DNAH17: variants seen among roughly 807,000 people sequenced by gnomAD.
DNAH17 encodes the protein dynein axonemal heavy chain 17.
Under a neutral mutation model 485.6 loss-of-function variants are expected in DNAH17, and 376 were observed. The observed-to-expected ratio is 0.77, with a 90% CI of 0.71 to 0.84. The LOEUF is 0.84. Ranked by LOEUF, DNAH17 falls within the 40% of genes least tolerant of loss-of-function variation. The pLI is 0.00. For missense variants in DNAH17, 6,370 were observed against 5,839.3 expected (o/e 1.09, Z -2.96); for synonymous variants, 3,031 against 2,405.9 (o/e 1.26, Z -7.60).
intron 15 of DNAH17, 70 bp downstream of exon 15, chr17:78,552,627 T>C (rs2143572923): frequency 8.9e-7 from 1 of 1,124,806 alleles, no homozygotes; most frequent in East Asian, 2.4e-5. Flanking sequence ...CTAGTGGTGT[T>C]TGAGGACAGA....
At position 78,492,616 on chromosome 17, in the gene DNAH17, G is replaced by A. The variant is rs375474947; in HGVS notation, c.6541+17C>T. 5.6e-5 allele frequency: 91 copies of A among 1,612,902 alleles called. No individual in the cohort carries two copies. The highest frequency in any genetic ancestry group is 6.7e-5 in the Non-Finnish European group (79 of 1,179,336). ...CAGGAGTGCCCCTGCAGCCTGTCCC[G>A]GGACCACCCTCGTTACCATCTTTCC... is the stretch of plus-strand genomic sequence containing the variant. On this transcript the variant is annotated intron_variant, in intron 42 of 80. Transcript: ENST00000389840.
intron 27 of DNAH17, among the ~76,000 whole-genome samples, chr17:78,510,144 T>C (rs566748151): frequency 2.0e-5 from 3 of 152,336 alleles, no homozygotes; most frequent in African/African-American, 7.2e-5. Context: ...ATCGTGCCAC[T>C]GCACTCCAGC....
At chr17:78,438,433 GGA>G (rs1313460535) in intron 73 of DNAH17, among the ~76,000 whole-genome samples, 11 of 84,754 alleles carry the variant, frequency 1.3e-4, no homozygotes, top group Non-Finnish European at 1.9e-4. Context: ...AGAAGGAGGA[GGA>G]GGAGGAGGAG....
chr17:78,439,244 A>ACACCACGT, intron 72 of DNAH17, 27 bp from the exon 73 acceptor site: 2 of 1,592,070 alleles, frequency 1.3e-6, no homozygotes, highest in East Asian at 4.5e-5. Context: ...CAGGAAAAAA[A>ACACCACGT]CACCACGTAA....
intron 11 of DNAH17, among the ~76,000 whole-genome samples, chr17:78,564,296 C>G (rs75060011): frequency 0.033 from 5,041 of 152,232 alleles, 301 homozygotes; most frequent in African/African-American, 0.11. Context: ...GCAGGTGGCA[C>G]AATCTCCATG....
chr17:78,437,813 T>G lies in DNAH17; in HGVS notation c.11861A>C (p.Tyr3954Ser). The G allele has an allele frequency of 6.2e-7, 1 of 1,612,416 alleles. No individual in the cohort carries two copies. Among genetic ancestry groups the G allele is most frequent in the Non-Finnish European group, 8.5e-7 (1 of 1,179,688 alleles). ...LGTLDKKLEH[Y>S]STGSHEDYRV... is the part of the protein sequence containing the mutation. Reference sequence around the variant, plus strand: ...GTAGTCCTCATGGCTGCCCGTGCTGTAGTGCTCCAGCTTCTTGTCCAGTGT... The same window carrying G: ...GTAGTCCTCATGGCTGCCCGTGCTGGAGTGCTCCAGCTTCTTGTCCAGTGT... Residue 3954 changes from tyrosine (Y) to serine (S), a missense_variant, in exon 74 of 81, where the codon TAC (tyrosine) becomes TCC (serine). Coordinates refer to ENST00000389840, the MANE Select transcript of DNAH17 (RefSeq NM_173628.4).
intron 56 of DNAH17, among the ~76,000 whole-genome samples, chr17:78,465,505 CA>C (rs2088385477): frequency 4.7e-5 from 1 of 21,076 alleles, no homozygotes; most frequent in Non-Finnish European, 2.5e-4. Flanking sequence ...TCCCGGCCGC[CA>C]TCACATCTAG....
chr17:78,482,745 C>G (rs568537874), intron 48 of DNAH17, among the ~76,000 whole-genome samples: 3 of 152,158 alleles, frequency 2.0e-5, no homozygotes, highest in Non-Finnish European at 4.4e-5. Flanking sequence ...ATCCACTAAA[C>G]AGTCCATCCT....
intron 50 of DNAH17, 54 bp downstream of exon 50, chr17:78,479,431 C>A (rs1490571959): frequency 6.5e-7 from 1 of 1,539,470 alleles, no homozygotes. Context: ...AACCATCAGC[C>A]CACAGAGCCA....
rs676696 is a variant in DNAH17, at chr17:78,450,607, A to G, written c.10899+75T>C. On this transcript the variant is annotated intron_variant, in intron 67 of 80. Transcript: ENST00000389840. ...AGCTGCTTTTCTCCTTTCTCATGGT[A>G]GGGAGGCGCCGATCGCCCGTGGCCC... 0.9 allele frequency: 1,375,920 copies of G among 1,529,358 alleles called. 619,412 individuals carry two copies. Among genetic ancestry groups the G allele is most frequent in the East Asian group, 0.96 (39,952 of 41,758 alleles). The allele number at this position is 1,529,358 out of a possible 1,614,324, so 94.7% of individuals were successfully genotyped here.
At chr17:78,476,540 G>A (rs747208701) in intron 52 of DNAH17, 32 bp downstream of exon 52, 19 of 1,589,942 alleles carry the variant, frequency 1.2e-5, no homozygotes, top group Middle Eastern at 1.7e-4. Context: ...GCCATTCTGG[G>A]CTCGGCAGAG....
intron 65 of DNAH17, among the ~76,000 whole-genome samples, 157 bp from the exon 66 acceptor site, chr17:78,451,830 T>C (rs1176686622): frequency 6.6e-6 from 1 of 152,002 alleles, no homozygotes; most frequent in Non-Finnish European, 1.5e-5. Flanking sequence ...CCTTGTCTGT[T>C]CCTCCTCCCT....
At chr17:78,432,576 G>A (rs1159748004) in intron 75 of DNAH17, among the ~76,000 whole-genome samples, 10 of 152,214 alleles carry the variant, frequency 6.6e-5, no homozygotes, top group Non-Finnish European at 1.0e-4. Context: ...CTGGGAGGTC[G>A]TTGTCCTCCA....
At chr17:78,524,150 T>G (rs1253417359) in intron 25 of DNAH17, among the ~76,000 whole-genome samples, 1 of 152,144 alleles carries the variant, frequency 6.6e-6, no homozygotes, top group Non-Finnish European at 1.5e-5. Context: ...TATGTGTTTA[T>G]TTTTTGAGAT....
intron 11 of DNAH17, among the ~76,000 whole-genome samples, chr17:78,562,901 C>T (rs899782278): frequency 3.3e-5 from 5 of 152,162 alleles, no homozygotes; most frequent in Admixed American, 2.0e-4. Flanking sequence ...AACAGGGTCC[C>T]CCAGTGCTGG....
intron 75 of DNAH17, among the ~76,000 whole-genome samples, chr17:78,432,096 C>T (rs1053883376): frequency 7.2e-5 from 11 of 151,840 alleles, no homozygotes; most frequent in Admixed American, 6.6e-4. Flanking sequence ...GGAGGATCAC[C>T]TGAGCCCAGG....
rs762480242 is a variant in DNAH17, at chr17:78,505,283, A to G, written c.4956+10T>C. ...CCTGGGTTCCCTGTGTGGTGTGCGC[A>G]CACACTCACCTGCCCCGAGAGGTCG... On this transcript the variant is annotated intron_variant, in intron 31 of 80. Coordinates refer to ENST00000389840, the MANE Select transcript of DNAH17 (RefSeq NM_173628.4). 3.7e-6 allele frequency: 6 copies of G among 1,613,810 alleles called. No homozygotes were observed. The highest frequency in any genetic ancestry group is 1.6e-4 in the Middle Eastern group (1 of 6,062).
intron 44 of DNAH17, among the ~76,000 whole-genome samples, chr17:78,488,884 G>A (rs1013933104): frequency 2.6e-5 from 4 of 152,040 alleles, no homozygotes; most frequent in African/African-American, 7.2e-5. Context: ...GCCAAGGACC[G>A]CCGAGAGCCC....
rs1301278006 is a variant in DNAH17 at position 78,525,125 on chromosome 17, C to T, written c.3748G>A (p.Glu1250Lys). ...KSISAMEGIM[E>K]ALSKSGGLFE... ...AGGCCCCCGGACTTGGACAGCGCCT[C>T]CATGATGCCTTCCATGGCGGAGATG... The change falls in exon 25 of 81, where the codon GAG becomes AAG. Residue 1250 changes from glutamate (E) to lysine (K), a missense_variant. Coordinates refer to ENST00000389840, the MANE Select transcript of DNAH17 (RefSeq NM_173628.4). The T allele has an allele frequency of 2.5e-6, 4 of 1,613,738 alleles. No homozygotes were observed. The highest frequency in any genetic ancestry group is 3.4e-6 in the Non-Finnish European group (4 of 1,179,830).
Sources: gnomAD v4.1 joint callset for allele counts (sites outside exome capture counted in the v4.1 genomes callset) on GRCh38, gnomAD v4.1.1 for gene constraint, MANE v1.5 for transcripts, NCBI Gene and HGNC (gene_info 2026-07-23, HGNC 2026-07-21) for gene names.